The following IMPA2 variants were observed in gnomAD, a reference collection of about 807,000 sequenced individuals.
The protein encoded by IMPA2 is inositol monophosphatase 2.
Under a neutral mutation model 35.1 loss-of-function variants are expected in IMPA2, and 32 were observed. That is an observed-to-expected ratio of 0.91 (90% CI 0.69 to 1.23). IMPA2 has a LOEUF of 1.23. Among genes scored for constraint, IMPA2 ranks in the 50% most tolerant of loss-of-function variants. The pLI is 0.00. For missense variants in IMPA2, 334 were observed against 387.6 expected (o/e 0.86, Z 1.16); for synonymous variants, 135 against 160.6 (o/e 0.84, Z 1.20).
chr18:11,995,147 G>T (rs1215823438), intron 1 of IMPA2, among the ~76,000 whole-genome samples: 1 of 152,234 alleles, frequency 6.6e-6, no homozygotes, highest in Non-Finnish European at 1.5e-5. Context: ...AGGAGCAGGG[G>T]AAGTCTAGTT....
At chr18:12,027,370 C>A (rs913733382) in intron 5 of IMPA2, among the ~76,000 whole-genome samples, 1 of 152,176 alleles carries the variant, frequency 6.6e-6, no homozygotes, top group African/African-American at 2.4e-5. Flanking sequence ...TCGGCACCCC[C>A]CTGCATCCAG....
intron 2 of IMPA2, among the ~76,000 whole-genome samples, chr18:11,999,641 G>A (rs1258736459): frequency 2.0e-5 from 3 of 152,222 alleles, no homozygotes; most frequent in African/African-American, 4.8e-5. Context: ...TGGGGCCCCC[G>A]GCCCACCACT....
intron 3 of IMPA2, 114 bp from the exon 4 acceptor site, chr18:12,012,056 C>T: frequency 3.6e-6 from 3 of 839,620 alleles, no homozygotes; most frequent in Non-Finnish European, 3.9e-6. Context: ...AACAACCAAC[C>T]CACCCAGAGT....
At chr18:12,006,036 G>A (rs2002212) in intron 2 of IMPA2, among the ~76,000 whole-genome samples, 13,154 of 152,248 alleles carry the variant, frequency 0.086, 862 homozygotes, top group East Asian at 0.34. Context: ...TGTTTTCAGG[G>A]TGTGGAGCGT....
At chr18:12,027,370 C>T (rs913733382) in intron 5 of IMPA2, among the ~76,000 whole-genome samples, 1 of 152,176 alleles carries the variant, frequency 6.6e-6, no homozygotes, top group Non-Finnish European at 1.5e-5. Context: ...TCGGCACCCC[C>T]CTGCATCCAG....
intron 2 of IMPA2, among the ~76,000 whole-genome samples, chr18:12,003,566 G>A (rs976319949): frequency 1.3e-5 from 2 of 150,864 alleles, no homozygotes; most frequent in African/African-American, 2.4e-5. Context: ...CAGGAGAATC[G>A]CTTGAACCTG....
chr18:12,015,469 C>T lies in IMPA2; in HGVS notation c.490+1096C>T, dbSNP rs144721311. Among the ~76,000 whole-genome samples, 312 of 152,342 alleles carry T rather than the reference C, an allele frequency of 2.0e-3. 2 individuals carry two copies. The highest frequency in any genetic ancestry group is 7.1e-3 in the African/African-American group (296 of 41,584). Reference sequence around the variant, plus strand: ...TGGCCCATCTCTGCTGCTGTGAGCCCGTGCGGCCAGGAAAGTGGCGGGCCA... The same window carrying T: ...TGGCCCATCTCTGCTGCTGTGAGCCTGTGCGGCCAGGAAAGTGGCGGGCCA... On this transcript the variant is annotated intron_variant, in intron 5 of 7. Transcript: ENST00000269159.
At chr18:11,986,265 T>C (rs1906662684) in intron 1 of IMPA2, among the ~76,000 whole-genome samples, 1 of 152,192 alleles carries the variant, frequency 6.6e-6, no homozygotes, top group Non-Finnish European at 1.5e-5. Flanking sequence ...CTGCTTGGTG[T>C]TTGCAAAACA....
At chr18:12,003,760 C>A (rs1907181691) in intron 2 of IMPA2, among the ~76,000 whole-genome samples, 1 of 151,636 alleles carries the variant, frequency 6.6e-6, no homozygotes, top group South Asian at 2.1e-4. Flanking sequence ...ACATAGCTGT[C>A]TCCTGCCATG....
chr18:12,020,902 C>T (rs1188543062), intron 5 of IMPA2, among the ~76,000 whole-genome samples: 1 of 151,510 alleles, frequency 6.6e-6, no homozygotes, highest in Non-Finnish European at 1.5e-5. Flanking sequence ...ACATGTTACT[C>T]TGCTCCTCAC....
chr18:12,002,838 G>A (rs974956889), intron 2 of IMPA2, among the ~76,000 whole-genome samples: 1 of 151,380 alleles, frequency 6.6e-6, no homozygotes, highest in Non-Finnish European at 1.5e-5. Context: ...TGATGCAGCC[G>A]CTATGAAAAA....
Position 11,999,121 on chromosome 18 carries a change from C to G in IMPA2, c.164C>G (p.Thr55Arg). 1.2e-6 allele frequency: 2 copies of G among 1,613,648 alleles called. No homozygotes were observed. The highest frequency in any genetic ancestry group is 1.7e-6 in the Non-Finnish European group (2 of 1,179,646). ...STKTSAADLV[T>R]ETDHLVEDLI... ...AAAACATCAGCTGCAGATCTTGTGACAGAAACAGATCACCTTGTGGAAGAT... is the reference window on the plus strand; with the variant it reads ...AAAACATCAGCTGCAGATCTTGTGAGAGAAACAGATCACCTTGTGGAAGAT... The change falls in exon 2 of 8, where the codon ACA becomes AGA. Residue 55 changes from threonine (T) to arginine (R), a missense_variant. Physicochemically the swap from Thr to Arg is moderately conservative, Grantham distance 71. Coordinates refer to ENST00000269159, the MANE Select transcript of IMPA2 (RefSeq NM_014214.3).
chr18:12,009,825 C>A, intron 2 of IMPA2, 58 bp from the exon 3 acceptor site: 2 of 1,336,114 alleles, frequency 1.5e-6, no homozygotes, highest in Non-Finnish European at 2.2e-6. Flanking sequence ...GAAGCAATTT[C>A]AGGCACGTTA....
chr18:12,009,879 G>A lies in IMPA2; in HGVS notation c.231-4G>A. The A allele has an allele frequency of 6.2e-7, 1 of 1,612,516 alleles. No individual in the cohort carries two copies. The highest frequency in any genetic ancestry group is 1.3e-5 in the African/African-American group (1 of 74,980). On this transcript the variant is annotated splice_polypyrimidine_tract_variant and splice_region_variant and intron_variant, in intron 2 of 7. Coordinates refer to ENST00000269159, the MANE Select transcript of IMPA2 (RefSeq NM_014214.3). ...TTTTCTCAGGCTGGGTTCTTCCACT[G>A]CAGGTTCATTGCAGAAGAGGCCGCG...
intron 5 of IMPA2, among the ~76,000 whole-genome samples, chr18:12,027,508 A>G (rs1385386402): frequency 2.0e-5 from 3 of 151,278 alleles, no homozygotes; most frequent in Non-Finnish European, 4.4e-5. Flanking sequence ...TTTCCCTCCA[A>G]ACATTGAGTG....
chr18:11,999,001 C>G, intron 1 of IMPA2, 53 bp from the exon 2 acceptor site: 1 of 1,410,942 alleles, frequency 7.1e-7, no homozygotes, highest in Non-Finnish European at 9.5e-7. Context: ...AATTCCTTTG[C>G]CTGGGAGGAG....
At chr18:12,002,175 T>C (rs1283481429) in intron 2 of IMPA2, among the ~76,000 whole-genome samples, 1 of 152,220 alleles carries the variant, frequency 6.6e-6, no homozygotes, top group Non-Finnish European at 1.5e-5. Context: ...GTATACATAT[T>C]GTAAAATAGG....
intron 1 of IMPA2, among the ~76,000 whole-genome samples, chr18:11,988,697 C>G (rs1242343658): frequency 6.6e-6 from 1 of 152,144 alleles, no homozygotes; most frequent in African/African-American, 2.4e-5. Context: ...AGGGTGACTT[C>G]AGGGGTTTAG....
chr18:11,988,863 G>A (rs1906735351), intron 1 of IMPA2, among the ~76,000 whole-genome samples: 1 of 152,220 alleles, frequency 6.6e-6, no homozygotes, highest in Middle Eastern at 3.4e-3. Context: ...ACAGGGTATC[G>A]CTTTGTTTCC....
Sources: gnomAD v4.1 joint callset for allele counts (sites outside exome capture counted in the v4.1 genomes callset) on GRCh38, gnomAD v4.1.1 for gene constraint, MANE v1.5 for transcripts, NCBI Gene and HGNC (gene_info 2026-07-23, HGNC 2026-07-21) for gene names.